NAV3: variants seen among roughly 807,000 people sequenced by gnomAD.
NAV3 encodes the protein neuron navigator 3.
A neutral mutation model predicts 244.7 loss-of-function variants in NAV3; 87 were observed. That is an observed-to-expected ratio of 0.36 (90% CI 0.30 to 0.42). The LOEUF (loss-of-function observed/expected upper bound fraction) is 0.42, where lower values mean the gene tolerates loss of function less well. Ranked by LOEUF, NAV3 falls within the 20% of genes least tolerant of loss-of-function variation. The pLI is 1.00. For missense variants in NAV3, 2,663 were observed against 2,893.3 expected, an observed-to-expected ratio of 0.92 and a Z score of 1.83; for synonymous variants, 1,126 against 1,042.2, an observed-to-expected ratio of 1.08 and a Z score of -1.55.
At chr12:78,038,686 A>G (rs1360094363) in intron 9 of NAV3, among the ~76,000 whole-genome samples, 1 of 152,210 alleles carries the variant, frequency 6.6e-6, no homozygotes, top group Non-Finnish European at 1.5e-5. Context: ...CTTCTCATAA[A>G]GGGCTATGTG....
chr12:77,821,286 A>T (rs1044115562), intron 2 of NAV3, among the ~76,000 whole-genome samples: 1 of 152,218 alleles, frequency 6.6e-6, no homozygotes, highest in African/African-American at 2.4e-5. Context: ...GGAACTGATT[A>T]CAGGCAGCAA....
chr12:78,068,196 G>T (rs2137566595), intron 12 of NAV3, among the ~76,000 whole-genome samples: 1 of 151,780 alleles, frequency 6.6e-6, no homozygotes, highest in South Asian at 2.1e-4. Context: ...TACCATTGAG[G>T]CAAATAATTC....
chr12:77,999,744 G>A (rs1459668644), intron 7 of NAV3, among the ~76,000 whole-genome samples: 1 of 151,730 alleles, frequency 6.6e-6, no homozygotes, highest in Non-Finnish European at 1.5e-5. Flanking sequence ...AAATATTACT[G>A]AAGACTTATA....
intron 2 of NAV3, among the ~76,000 whole-genome samples, chr12:77,795,964 C>T (rs963942089): frequency 1.3e-5 from 2 of 152,066 alleles, no homozygotes; most frequent in East Asian, 3.9e-4. Flanking sequence ...TCAGTAATTC[C>T]GCAGCTCTGA....
At position 77,958,207 on chromosome 12, in the gene NAV3, C is replaced by T. The variant is rs144166074; in HGVS notation, c.415-8022C>T. 4.7e-3 allele frequency among the ~76,000 whole-genome samples: 714 copies of T among 152,200 alleles called. 7 individuals carry two copies. The highest frequency in any genetic ancestry group is 0.015 in the African/African-American group (626 of 41,528). On this transcript the variant is annotated intron_variant, in intron 3 of 39. Coordinates refer to ENST00000397909, the MANE Select transcript of NAV3 (RefSeq NM_001024383.2). The stretch of plus-strand genomic sequence containing the variant: ...ATAAATATACAGCTATGAAAATAGA[C>T]AATCAGAAAAATTCTGCCTTGAAAA...
intron 39 of NAV3, among the ~76,000 whole-genome samples, chr12:78,209,577 TGG>T (rs1960688639): frequency 4.6e-5 from 7 of 151,334 alleles, no homozygotes; most frequent in Non-Finnish European, 1.0e-4. Flanking sequence ...TCTCTAACAG[TGG>T]AGCTCCAGAT....
chr12:78,190,941 C>A (rs1200838317), intron 34 of NAV3, among the ~76,000 whole-genome samples: 1 of 152,080 alleles, frequency 6.6e-6, no homozygotes, highest in Non-Finnish European at 1.5e-5. Context: ...CCTAGTTTTA[C>A]CTGTAATTAT....
intron 2 of NAV3, among the ~76,000 whole-genome samples, chr12:77,824,310 C>T (rs540575519): frequency 1.1e-3 from 151 of 132,412 alleles, no homozygotes; most frequent in African/African-American, 3.9e-3. Flanking sequence ...CCAGGCTGGT[C>T]TCAAACTCCT....
intron 2 of NAV3, among the ~76,000 whole-genome samples, chr12:77,770,154 T>C (rs937126498): frequency 7.9e-5 from 12 of 152,124 alleles, no homozygotes; most frequent in South Asian, 4.2e-4. Flanking sequence ...ATTTTTTTTT[T>C]CCCCCAGTGC....
intron 2 of NAV3, among the ~76,000 whole-genome samples, chr12:77,810,297 G>A (rs1007065775): frequency 5.9e-5 from 9 of 152,026 alleles, no homozygotes; most frequent in East Asian, 1.9e-4. Flanking sequence ...TCAGCCTCCC[G>A]AGTAGCTGGG....
chr12:78,023,385 A>G (rs1037377154), intron 9 of NAV3, among the ~76,000 whole-genome samples: 2 of 152,196 alleles, frequency 1.3e-5, no homozygotes, highest in African/African-American at 4.8e-5. Context: ...TTTTTAATAG[A>G]ATACCTGAAA....
intron 2 of NAV3, among the ~76,000 whole-genome samples, chr12:77,640,388 A>G (rs1872355974): frequency 6.6e-6 from 1 of 152,154 alleles, no homozygotes. Flanking sequence ...TTTAGACAAA[A>G]CATAAATTGA....
intron 23 of NAV3, among the ~76,000 whole-genome samples, chr12:78,161,739 C>T (rs1239891805): frequency 1.3e-5 from 2 of 152,032 alleles, no homozygotes; most frequent in Non-Finnish European, 2.9e-5. Context: ...GAATTGCAAA[C>T]TGTATACACA....
At position 78,051,111 on chromosome 12, in the gene NAV3, T is replaced by C. The variant is rs1374970034; in HGVS notation, c.2480T>C (p.Leu827Pro). The change falls in exon 11 of 40, where the codon CTT (leucine) becomes CCT (proline). Residue 827 changes from leucine to proline, a missense_variant. Coordinates refer to ENST00000397909, the MANE Select transcript of NAV3 (RefSeq NM_001024383.2). ...VGGYMSDGDI[L>P]GKSLRTDDIN... ...GGATATATGAGTGATGGTGATATCCTTGGGAAAAGTCTCAGGACTGATGAC... is the reference window on the plus strand; with the variant it reads ...GGATATATGAGTGATGGTGATATCCCTGGGAAAAGTCTCAGGACTGATGAC... 1 of 1,612,766 alleles carries C rather than the reference T, an allele frequency of 6.2e-7. No individual in the cohort carries two copies. Among genetic ancestry groups the C allele is most frequent in the Non-Finnish European group, 8.5e-7 (1 of 1,178,992 alleles).
intron 4 of NAV3, among the ~76,000 whole-genome samples, chr12:77,967,172 C>T (rs1463602419): frequency 6.6e-6 from 1 of 152,016 alleles, no homozygotes; most frequent in Non-Finnish European, 1.5e-5. Context: ...GCCATTTATT[C>T]ACTTTTTATG....
chr12:77,753,094 A>C (rs1247687756), intron 2 of NAV3, among the ~76,000 whole-genome samples: 1 of 152,216 alleles, frequency 6.6e-6, no homozygotes, highest in Non-Finnish European at 1.5e-5. Context: ...AGCTCAGTTC[A>C]TCCATATTTT....
At chr12:77,929,781 C>T (rs1677897) in intron 1 of NAV3, among the ~76,000 whole-genome samples, 17,501 of 149,332 alleles carry the variant, frequency 0.12, 1,139 homozygotes, top group South Asian at 0.2. Flanking sequence ...TACAGGCACC[C>T]GCCACCACGG....
chr12:77,980,762 T>C (rs1170548717), intron 5 of NAV3, among the ~76,000 whole-genome samples: 1 of 152,204 alleles, frequency 6.6e-6, no homozygotes, highest in Non-Finnish European at 1.5e-5. Context: ...TATGTGTAAG[T>C]AACAGCATTG....
chr12:78,071,529 C>A (rs890065476), intron 12 of NAV3, among the ~76,000 whole-genome samples: 1 of 152,026 alleles, frequency 6.6e-6, no homozygotes, highest in African/African-American at 2.4e-5. Flanking sequence ...ATGGTAGTTT[C>A]TTTTGCTGTG....
Sources: allele counts gnomAD v4.1 joint callset (sites outside exome capture counted in the v4.1 genomes callset), GRCh38; gene constraint gnomAD v4.1.1; transcripts MANE v1.5; gene names NCBI Gene and HGNC (gene_info 2026-07-23, HGNC 2026-07-21).